The following CPA6 variants were observed in gnomAD, a reference collection of about 807,000 sequenced individuals.
CPA6 encodes the protein carboxypeptidase B.
CPA6 carries 58 observed loss-of-function variants against 63.3 expected under a neutral mutation model. That is an observed-to-expected ratio of 0.92 (90% confidence interval 0.74 to 1.14). The LOEUF (loss-of-function observed/expected upper bound fraction) is 1.14, where lower values mean the gene tolerates loss of function less well. Among genes scored for constraint, CPA6 ranks in the 50% most tolerant of loss-of-function variants. CPA6 has a pLI of 0.00. For synonymous variants in CPA6, 185 were observed against 179.0 expected (o/e 1.03, Z -0.27); for missense variants, 565 against 526.6 (o/e 1.07, Z -0.71).
intron 1 of CPA6, among the ~76,000 whole-genome samples, chr8:67,689,049 G>A (rs982254391): frequency 2.6e-5 from 4 of 151,646 alleles, no homozygotes; most frequent in East Asian, 3.9e-4. Context: ...GAGCAACCTC[G>A]GCTCACTCTA....
At chr8:67,654,425 G>A (rs1815932471) in intron 1 of CPA6, among the ~76,000 whole-genome samples, 1 of 152,168 alleles carries the variant, frequency 6.6e-6, no homozygotes, top group African/African-American at 2.4e-5. Flanking sequence ...TTCAGAGCCT[G>A]TTATTGGTCT....
intron 1 of CPA6, among the ~76,000 whole-genome samples, chr8:67,732,847 G>A (rs1306036784): frequency 6.6e-6 from 1 of 152,008 alleles, no homozygotes; most frequent in Admixed American, 6.6e-5. Flanking sequence ...CTGTTCCATC[G>A]ACCCCCAGGC....
At chr8:67,559,129 T>A (rs1813139104) in intron 2 of CPA6, among the ~76,000 whole-genome samples, 1 of 152,204 alleles carries the variant, frequency 6.6e-6, no homozygotes, top group Non-Finnish European at 1.5e-5. Context: ...ACTTTTGGGA[T>A]GTTGTATTTC....
At chr8:67,709,324 C>T in intron 1 of CPA6, among the ~76,000 whole-genome samples, 1 of 152,212 alleles carries the variant, frequency 6.6e-6, no homozygotes, top group East Asian at 1.9e-4. Context: ...CTCAAATGTA[C>T]TTTACCTCAT....
chr8:67,578,572 CA>C (rs1307602885), intron 2 of CPA6, among the ~76,000 whole-genome samples: 1 of 152,120 alleles, frequency 6.6e-6, no homozygotes, highest in Non-Finnish European at 1.5e-5. Context: ...ATGGACTAGC[CA>C]CCCTGTCTGC....
chr8:67,579,272 G>T (rs1004198913), intron 2 of CPA6, among the ~76,000 whole-genome samples: 1 of 152,148 alleles, frequency 6.6e-6, no homozygotes, highest in Non-Finnish European at 1.5e-5. Context: ...AATTAGCCAG[G>T]TGTGGTGGTG....
intron 1 of CPA6, among the ~76,000 whole-genome samples, chr8:67,691,373 C>G (rs1282735727): frequency 1.3e-5 from 2 of 152,212 alleles, no homozygotes; most frequent in Non-Finnish European, 1.5e-5. Context: ...AGTGACCAGT[C>G]TTGTCACTGG....
At chr8:67,590,474 C>T (rs1432022516) in intron 2 of CPA6, among the ~76,000 whole-genome samples, 2 of 151,596 alleles carry the variant, frequency 1.3e-5, no homozygotes, top group Non-Finnish European at 2.9e-5. Flanking sequence ...CACTGACTTC[C>T]ACAATGGTTG....
intron 1 of CPA6, among the ~76,000 whole-genome samples, chr8:67,713,992 G>A (rs1011088091): frequency 1.3e-5 from 2 of 151,996 alleles, no homozygotes; most frequent in East Asian, 1.9e-4. Context: ...CTGGTTTTAC[G>A]TAAACTCCAA....
chr8:67,680,496 A>T (rs2128995821), intron 1 of CPA6, among the ~76,000 whole-genome samples: 1 of 152,218 alleles, frequency 6.6e-6, no homozygotes, highest in African/African-American at 2.4e-5. Flanking sequence ...ATTTAAAAAA[A>T]AAAAAAAAAG....
intron 1 of CPA6, among the ~76,000 whole-genome samples, chr8:67,720,453 G>A (rs1817474030): frequency 6.6e-6 from 1 of 152,130 alleles, no homozygotes; most frequent in African/African-American, 2.4e-5. Context: ...AGAGTCATCA[G>A]AACACAGGCC....
intron 1 of CPA6, among the ~76,000 whole-genome samples, chr8:67,729,771 G>A (rs1197005465): frequency 6.6e-6 from 1 of 152,140 alleles, no homozygotes; most frequent in Non-Finnish European, 1.5e-5. Context: ...GAAACAAATA[G>A]TTTATAGGTA....
At chr8:67,605,918 T>C (rs941896905) in intron 2 of CPA6, among the ~76,000 whole-genome samples, 2 of 152,052 alleles carry the variant, frequency 1.3e-5, no homozygotes, top group African/African-American at 4.8e-5. Flanking sequence ...TTACAAAGCC[T>C]TGGACCATAG....
intron 8 of CPA6, among the ~76,000 whole-genome samples, chr8:67,455,857 G>A (rs917287550): frequency 6.6e-6 from 1 of 151,900 alleles, no homozygotes; most frequent in Non-Finnish European, 1.5e-5. Flanking sequence ...TGGGACTATA[G>A]GCATGCACTA....
chr8:67,580,497 A>C (rs576739166), intron 2 of CPA6, among the ~76,000 whole-genome samples: 1 of 152,330 alleles, frequency 6.6e-6, no homozygotes, highest in Admixed American at 6.5e-5. Context: ...GTAAGAAAAA[A>C]ATAATCAAAA....
At chr8:67,572,189 G>A (rs1055253321) in intron 2 of CPA6, among the ~76,000 whole-genome samples, 5 of 152,158 alleles carry the variant, frequency 3.3e-5, no homozygotes. Flanking sequence ...GCAATAAAAA[G>A]TCTCCCATTG....
At chr8:67,452,431 T>C (rs1385293953) in intron 8 of CPA6, 1 of 152,238 alleles carries the variant, frequency 6.6e-6, no homozygotes. Flanking sequence ...CTTCTTCTAT[T>C]AGTCCCTTAA....
intron 2 of CPA6, among the ~76,000 whole-genome samples, chr8:67,594,538 T>C (rs185099894): frequency 6.6e-6 from 1 of 152,364 alleles, no homozygotes; most frequent in East Asian, 1.9e-4. Flanking sequence ...GACGCAGATT[T>C]GGTCTTTTCA....
At chr8:67,495,080 T>C (rs914263445) in intron 6 of CPA6, among the ~76,000 whole-genome samples, 2 of 152,172 alleles carry the variant, frequency 1.3e-5, no homozygotes, top group African/African-American at 4.8e-5. Context: ...TAGTGCATAG[T>C]AGTAAACACT....
Sources: gnomAD v4.1 joint callset for allele counts (sites outside exome capture counted in the v4.1 genomes callset) on GRCh38, gnomAD v4.1.1 for gene constraint, MANE v1.5 for transcripts, NCBI Gene and HGNC (gene_info 2026-07-23, HGNC 2026-07-21) for gene names.